BCHE: variants seen among roughly 807,000 people sequenced by gnomAD.
The protein encoded by BCHE is butyrylcholinesterase, also known as cholinesterase.
BCHE carries 48 observed loss-of-function variants against 51.3 expected under a neutral mutation model. That is an observed-to-expected ratio of 0.94 (90% CI 0.74 to 1.19). The LOEUF (loss-of-function observed/expected upper bound fraction) is 1.19. Among genes scored for constraint, BCHE ranks in the 50% most tolerant of loss-of-function variants. The pLI is 0.00. For synonymous variants in BCHE, 251 were observed against 238.0 expected (o/e 1.05, Z -0.50); for missense variants, 847 against 708.2 (o/e 1.20, Z -2.23).
chr3:165,800,196 A>G (rs1713584484), intron 2 of BCHE, among the ~76,000 whole-genome samples: 1 of 152,142 alleles, frequency 6.6e-6, no homozygotes. Flanking sequence ...GTTATCTTGA[A>G]GTAATGTTGT....
intron 2 of BCHE, among the ~76,000 whole-genome samples, chr3:165,811,343 C>T (rs1274396563): frequency 3.3e-5 from 5 of 151,894 alleles, no homozygotes; most frequent in Non-Finnish European, 7.4e-5. Flanking sequence ...CCTAAGGAAA[C>T]CAGGCTGATA....
chr3:165,793,901 G>A (rs7619009), intron 2 of BCHE, among the ~76,000 whole-genome samples: 15,808 of 152,090 alleles, frequency 0.1, 1,498 homozygotes, highest in African/African-American at 0.26. Context: ...CAAAAAAATA[G>A]CGGGGCGTGG....
At chr3:165,778,910 T>C (rs535511880) in intron 3 of BCHE, among the ~76,000 whole-genome samples, 1 of 83,846 alleles carries the variant, frequency 1.2e-5, no homozygotes, top group East Asian at 5.4e-4. Flanking sequence ...AAATGTCTAT[T>C]TATAATTTTT....
At chr3:165,781,606 G>A (rs1384628989) in intron 3 of BCHE, among the ~76,000 whole-genome samples, 1 of 124,252 alleles carries the variant, frequency 8.0e-6, no homozygotes, top group East Asian at 2.6e-4. Context: ...GGAGGGTGAG[G>A]GGAGGGAGAG....
intron 2 of BCHE, among the ~76,000 whole-genome samples, chr3:165,808,617 C>T (rs1196984127): frequency 1.3e-5 from 2 of 151,790 alleles, no homozygotes; most frequent in Non-Finnish European, 2.9e-5. Context: ...TAATTTGAAA[C>T]GCTATGACTA....
intron 2 of BCHE, among the ~76,000 whole-genome samples, chr3:165,792,656 A>G (rs1321094593): frequency 6.6e-6 from 1 of 152,210 alleles, no homozygotes; most frequent in East Asian, 1.9e-4. Flanking sequence ...GTTTTCACCA[A>G]TTAACTAAGA....
intron 3 of BCHE, among the ~76,000 whole-genome samples, chr3:165,776,795 T>C (rs1193042474): frequency 6.6e-6 from 1 of 151,780 alleles, no homozygotes; most frequent in Admixed American, 6.6e-5. Context: ...CCTTTCCAGA[T>C]TCTTATGTAG....
rs1057517218 is a variant in BCHE, at chr3:165,829,516, C to A, written c.1517+1G>T. ...GAACAATGACAAAAATCAGCACTTA[C>A]CCATATTTTGCAAAATTTGCCCACC... On this transcript the variant is annotated splice_donor_variant, in intron 2 of 3. Coordinates refer to ENST00000264381, the MANE Select transcript of BCHE (RefSeq NM_000055.4). LOFTEE classifies it high-confidence loss of function. 2 of 1,611,708 alleles carry A rather than the reference C, an allele frequency of 1.2e-6. No individual in the cohort carries two copies. The highest frequency in any genetic ancestry group is 1.7e-6 in the Non-Finnish European group (2 of 1,178,128).
In BCHE at chr3:165,829,551, T is replaced by C; in HGVS notation, c.1483A>G (p.Ile495Val). 2 of 1,613,794 alleles carry C rather than the reference T, an allele frequency of 1.2e-6. No homozygotes were observed. The highest frequency in any genetic ancestry group is 1.1e-5 in the South Asian group (1 of 91,078). Residue 495 changes from isoleucine (I) to valine (V), a missense_variant, in exon 2 of 4, where the codon ATA (isoleucine) becomes GTA (valine). By Grantham distance (29) the Ile-to-Val change is conservative (BLOSUM62 3). Coordinates refer to ENST00000264381, the MANE Select transcript of BCHE (RefSeq NM_000055.4). The stretch of plus-strand genomic sequence containing the variant: ...GCAAAATTTGCCCACCGTTTCACTA[T>C]GGATCTACTCAAAATTTCCTCGGCT... ...TKAEEILSRS[I>V]VKRWANFAKY...
At chr3:165,797,773 A>C (rs1713473802) in intron 2 of BCHE, among the ~76,000 whole-genome samples, 2 of 152,252 alleles carry the variant, frequency 1.3e-5, no homozygotes, top group South Asian at 2.1e-4. Flanking sequence ...CCACAGTTTC[A>C]GGGATGAGTC....
rs1713125827 is a variant in BCHE, at chr3:165,790,491, G to T, written c.1518-4180C>A. Among the ~76,000 whole-genome samples, 7 of 152,168 alleles carry T rather than the reference G, an allele frequency of 4.6e-5. No homozygotes were observed. The South Asian group carries it at 1.5e-3, about 32-fold the overall frequency. On this transcript the variant is annotated intron_variant, in intron 2 of 3. Coordinates refer to ENST00000264381, the MANE Select transcript of BCHE (RefSeq NM_000055.4). ...AAGAAAACTGTCATTGTAATTACAG[G>T]GCTTTTCTGAGTTCTATGAATAGCT...
chr3:165,812,976 T>C (rs1481704817), intron 2 of BCHE, among the ~76,000 whole-genome samples: 1 of 152,008 alleles, frequency 6.6e-6, no homozygotes, highest in Non-Finnish European at 1.5e-5. Flanking sequence ...ATATCCTTCA[T>C]AATGCAATAG....
In BCHE at chr3:165,773,103, A is replaced by T; in HGVS notation, c.*279T>A. The T allele has an allele frequency of 3.8e-6, 1 of 265,416 alleles. No individual in the cohort carries two copies. Among genetic ancestry groups the T allele is most frequent in the Non-Finnish European group, 7.1e-6 (1 of 140,324 alleles). 16.4% of individuals were successfully genotyped at this position (265,416 alleles called of 1,614,324 possible). On this transcript the variant is annotated 3_prime_UTR_variant, in exon 4 of 4. Coordinates refer to ENST00000264381, the MANE Select transcript of BCHE (RefSeq NM_000055.4). ...ATTTTGGGGGGAAAAACTTAAATTTATTAAGGAAAGAAAGAAATTGAACCA... is the reference window on the plus strand; with the variant it reads ...ATTTTGGGGGGAAAAACTTAAATTTTTTAAGGAAAGAAAGAAATTGAACCA...
intron 3 of BCHE, among the ~76,000 whole-genome samples, chr3:165,781,259 T>A (rs1322246174): frequency 6.6e-6 from 1 of 151,700 alleles, no homozygotes; most frequent in Non-Finnish European, 1.5e-5. Flanking sequence ...CTCAAAAAAA[T>A]AAATAAATAA....
At chr3:165,777,372 G>T (rs182742935) in intron 3 of BCHE, among the ~76,000 whole-genome samples, 1 of 151,608 alleles carries the variant, frequency 6.6e-6, no homozygotes, top group East Asian at 1.9e-4. Flanking sequence ...TGTTACATTA[G>T]TTATCACCCC....
At chr3:165,791,406 T>C (rs980077489) in intron 2 of BCHE, among the ~76,000 whole-genome samples, 2 of 152,188 alleles carry the variant, frequency 1.3e-5, no homozygotes, top group Non-Finnish European at 2.9e-5. Flanking sequence ...ATTAGGAGGC[T>C]ACTAAAATAA....
chr3:165,837,403 G>A lies in BCHE; in HGVS notation c.-98C>T, dbSNP rs1262216009. 2 of 1,289,728 alleles carry A rather than the reference G, an allele frequency of 1.6e-6. No individual in the cohort carries two copies. Among genetic ancestry groups the A allele is most frequent in the East Asian group, 1.1e-4 (2 of 18,018 alleles). The allele number at this position is 1,289,728 out of a possible 1,614,324, so 79.9% of individuals were successfully genotyped here. On this transcript the variant is annotated 5_prime_UTR_variant, in exon 1 of 4. Transcript: ENST00000264381. ...AATGCAGGATGCAGCTGCTGCTCCA[G>A]CCTGTAAATTGGACTGCACTGACAT...
In BCHE at chr3:165,830,150, T is replaced by C. The variant is rs115624085; in HGVS notation, c.884A>G (p.Lys295Arg). 188 of 1,613,954 alleles carry C rather than the reference T, an allele frequency of 1.2e-4. No individual in the cohort carries two copies. In the East Asian group the frequency reaches 4.1e-3, roughly 35 times the overall value. The change falls in exon 2 of 4, where the codon AAA becomes AGA. Residue 295 changes from lysine to arginine, a missense_variant. Coordinates refer to ENST00000264381, the MANE Select transcript of BCHE (RefSeq NM_000055.4). The stretch of plus-strand genomic sequence containing the variant: ...ATTCAGAAGAATTTCTTGGGGATCT[T>C]TATTTCTAAGACACTTGATTATTTC... ...ETEIIKCLRN[K>R]DPQEILLNEA...
intron 3 of BCHE, 89 bp from the exon 4 acceptor site, chr3:165,773,595 C>A (rs1342949677): frequency 9.0e-7 from 1 of 1,110,464 alleles, no homozygotes; most frequent in African/African-American, 1.6e-5. Context: ...GCCATTTTCT[C>A]TAACTACACA....
Sources: gnomAD v4.1 joint callset for allele counts (sites outside exome capture counted in the v4.1 genomes callset) on GRCh38, gnomAD v4.1.1 for gene constraint, MANE v1.5 for transcripts, NCBI Gene and HGNC (gene_info 2026-07-23, HGNC 2026-07-21) for gene names.